Variants in KCNA2 observed in about 807,000 individuals in gnomAD.
The protein encoded by KCNA2 is potassium voltage-gated channel subfamily A member 2, also known as potassium channel, voltage gated shaker related subfamily A, member 2.
KCNA2 carries 11 observed loss-of-function variants against 33.4 expected under a neutral mutation model. That is an observed-to-expected ratio of 0.33 (90% CI 0.21 to 0.55). The LOEUF (loss-of-function observed/expected upper bound fraction) is 0.55, where lower values mean the gene tolerates loss of function less well. Ranked by LOEUF, KCNA2 falls within the 20% of genes least tolerant of loss-of-function variation. The pLI is 0.93. For synonymous variants in KCNA2, 222 were observed against 231.3 expected, an observed-to-expected ratio of 0.96 and a Z score of 0.37; for missense variants, 291 against 621.6, an observed-to-expected ratio of 0.47 and a Z score of 5.66.
chr1:110,596,204 G>A lies in KCNA2; in HGVS notation c.*7079C>T, dbSNP rs1325008754. The A allele has an allele frequency of 1.0e-6, 1 of 984,736 alleles. No homozygotes were observed. The highest frequency in any genetic ancestry group is 1.8e-5 in the African/African-American group (1 of 57,122). The allele number at this position is 984,736 out of a possible 1,614,324, so 61.0% of individuals were successfully genotyped here. A position where few individuals can be genotyped will look rare whatever the true frequency, so the allele number is the denominator to read the frequency against. ...GGAGAGGTGAAAAGAATGCAAAGGA[G>A]GTCATTCAAAAAATGCACATAAATG... On this transcript the variant is annotated 3_prime_UTR_variant, in exon 3 of 3. Coordinates refer to ENST00000316361, the MANE Select transcript of KCNA2 (RefSeq NM_004974.4).
Position 110,595,413 on chromosome 1 carries a change from T to G in KCNA2, c.*7870A>C, listed in dbSNP as rs1649053237. 4 of 985,374 alleles carry G rather than the reference T, an allele frequency of 4.1e-6. No individual in the cohort carries two copies. The allele number at this position is 985,374 out of a possible 1,614,324, so 61.0% of individuals were successfully genotyped here. ...GTCATGTCAAGTCTGGGTTATGGGC[T>G]TCTGCTGCCTGATCACAACTAACAT... On this transcript the variant is annotated 3_prime_UTR_variant, in exon 3 of 3. Coordinates refer to ENST00000316361, the MANE Select transcript of KCNA2 (RefSeq NM_004974.4).
In KCNA2 at chr1:110,595,449, G is replaced by C; in HGVS notation, c.*7834C>G. The stretch of plus-strand genomic sequence containing the variant: ...GATCACAACTAACATAGCCAGACTG[G>C]AGGGCTTCTGTGGGTGTGGGGAGAT... On this transcript the variant is annotated 3_prime_UTR_variant, in exon 3 of 3. Transcript: ENST00000316361. 1 of 985,444 alleles carries C rather than the reference G, an allele frequency of 1.0e-6. No homozygotes were observed. Among genetic ancestry groups the C allele is most frequent in the Non-Finnish European group, 1.2e-6 (1 of 829,964 alleles). The allele number at this position is 985,444 out of a possible 1,614,324, so 61.0% of individuals were successfully genotyped here.
chr1:110,614,338 T>C (rs1348559859), intron 1 of KCNA2, among the ~76,000 whole-genome samples: 1 of 152,216 alleles, frequency 6.6e-6, no homozygotes, highest in Non-Finnish European at 1.5e-5. Flanking sequence ...GGCCCAGTTA[T>C]CCCAGAAGTG....
At chr1:110,629,966 C>T (rs1399908398) in intron 1 of KCNA2, among the ~76,000 whole-genome samples, 1 of 148,960 alleles carries the variant, frequency 6.7e-6, no homozygotes, top group Non-Finnish European at 1.5e-5. Flanking sequence ...TTTTTTAAAT[C>T]AAATGGACTC....
Position 110,600,507 on chromosome 1 carries a change from G to A in KCNA2, c.*2776C>T. ...ACAATTATAACCATATATCTTCTGT[G>A]TTTGCTTTTATGTTAACCTGGTCTG... On this transcript the variant is annotated 3_prime_UTR_variant, in exon 3 of 3. Transcript: ENST00000316361. 1.0e-6 allele frequency: 1 copy of A among 984,838 alleles called. No homozygotes were observed. Among genetic ancestry groups the A allele is most frequent in the East Asian group, 1.1e-4 (1 of 8,786 alleles). The allele number at this position is 984,838 out of a possible 1,614,324, so 61.0% of individuals were successfully genotyped here. A position where few individuals can be genotyped will look rare whatever the true frequency, so the allele number is the denominator to read the frequency against.
Position 110,595,971 on chromosome 1 carries a change from C to T in KCNA2, c.*7312G>A. On this transcript the variant is annotated 3_prime_UTR_variant, in exon 3 of 3. Transcript: ENST00000316361. ...GAGTACAAAGTTTGGAATAACTTTT[C>T]TGATCCTCAGTGATGAGGTTATAGC... 1 of 985,442 alleles carries T rather than the reference C, an allele frequency of 1.0e-6. No individual in the cohort carries two copies. Among genetic ancestry groups the T allele is most frequent in the Non-Finnish European group, 1.2e-6 (1 of 829,930 alleles). 61.0% of individuals were successfully genotyped at this position (985,442 alleles called of 1,614,324 possible). A position where few individuals can be genotyped will look rare whatever the true frequency, so the allele number is the denominator to read the frequency against.
intron 1 of KCNA2, among the ~76,000 whole-genome samples, chr1:110,616,148 A>C (rs1029580980): frequency 6.6e-6 from 1 of 151,974 alleles, no homozygotes; most frequent in Non-Finnish European, 1.5e-5. Context: ...TCTTCTCTGA[A>C]CTCTGGCCAT....
intron 1 of KCNA2, among the ~76,000 whole-genome samples, chr1:110,611,418 A>C (rs939018605): frequency 1.3e-5 from 2 of 152,200 alleles, no homozygotes; most frequent in Admixed American, 6.5e-5. Flanking sequence ...ATCCCACCGC[A>C]ATACTGGCTA....
rs188887961 is a variant in KCNA2, at chr1:110,617,938, G to A, written c.-495-12216C>T. On this transcript the variant is annotated intron_variant, in intron 1 of 4. Coordinates refer to the KCNA2 transcript ENST00000369770. ...GGCAATGCTGGCCTGATGCTCAGGA[G>A]AGAGGTAGAGGGTAGGGAATGGAGA... Among the ~76,000 whole-genome samples the A allele has an allele frequency of 1.8e-4, 28 of 152,306 alleles. No individual in the cohort carries two copies. In the East Asian group the frequency reaches 4.8e-3, roughly 26 times the overall value.
intron 1 of KCNA2, among the ~76,000 whole-genome samples, chr1:110,628,247 T>G (rs1650452763): frequency 6.6e-6 from 1 of 152,056 alleles, no homozygotes; most frequent in African/African-American, 2.4e-5. Flanking sequence ...TGGGTATATC[T>G]TGACTGGGAG....
intron 1 of KCNA2, among the ~76,000 whole-genome samples, chr1:110,622,149 T>A (rs940904642): frequency 4.6e-5 from 7 of 152,086 alleles, no homozygotes; most frequent in Non-Finnish European, 8.8e-5. Flanking sequence ...GAATAATACA[T>A]CATGACCAAA....
chr1:110,624,662 C>G (rs185209055), intron 1 of KCNA2, among the ~76,000 whole-genome samples: 11 of 152,164 alleles, frequency 7.2e-5, no homozygotes, highest in African/African-American at 2.4e-4. Flanking sequence ...ACTACACATG[C>G]TGGGAAAAAT....
Position 110,597,226 on chromosome 1 carries a change from C to T in KCNA2, c.*6057G>A, listed in dbSNP as rs756714346. On this transcript the variant is annotated 3_prime_UTR_variant, in exon 3 of 3. Transcript: ENST00000316361. ...CTCCAGGCCACATTCCCTCAGCATC[C>T]GTCTCCCTGGGGAAGGGAGAAGGGG... 44 of 985,388 alleles carry T rather than the reference C, an allele frequency of 4.5e-5. No individual in the cohort carries two copies. Among genetic ancestry groups the T allele is most frequent in the Admixed American group, 2.5e-4 (4 of 16,286 alleles). 61.0% of individuals were successfully genotyped at this position (985,388 alleles called of 1,614,324 possible).
Position 110,602,311 on chromosome 1 carries a change from C to A in KCNA2, c.*972G>T. ...CCCCTAGTTCAAGACCATTCCAAGC[C>A]TATTAATACTCTAAATATTAACACT... On this transcript the variant is annotated 3_prime_UTR_variant, in exon 3 of 3. Coordinates refer to ENST00000316361, the MANE Select transcript of KCNA2 (RefSeq NM_004974.4). The A allele has an allele frequency of 6.9e-7, 1 of 1,449,650 alleles. No homozygotes were observed. Among genetic ancestry groups the A allele is most frequent in the Non-Finnish European group, 9.0e-7 (1 of 1,107,578 alleles). The allele number at this position is 1,449,650 out of a possible 1,614,324, so 89.8% of individuals were successfully genotyped here. A position where few individuals can be genotyped will look rare whatever the true frequency, so the allele number is the denominator to read the frequency against.
chr1:110,606,566 C>A, upstream of KCNA2: 1 of 152,632 alleles, frequency 6.6e-6, no homozygotes, highest in Non-Finnish European at 1.5e-5. Context: ...GAGGACCAGA[C>A]CCTCCCGCTG....
intron 1 of KCNA2, among the ~76,000 whole-genome samples, chr1:110,630,542 G>A (rs1412173087): frequency 1.3e-5 from 2 of 152,108 alleles, no homozygotes; most frequent in African/African-American, 4.8e-5. Flanking sequence ...CATGGTTTCA[G>A]TTCTTTCTCC....
At chr1:110,620,692 A>G (rs2101457828) in intron 1 of KCNA2, among the ~76,000 whole-genome samples, 1 of 152,148 alleles carries the variant, frequency 6.6e-6, no homozygotes, top group South Asian at 2.1e-4. Context: ...TGAAGTGGGT[A>G]AAGTCGGTCA....
At chr1:110,608,609 T>C (rs1184107481), upstream of KCNA2, among the ~76,000 whole-genome samples, 1 of 152,102 alleles carries the variant, frequency 6.6e-6, no homozygotes, top group African/African-American at 2.4e-5. Context: ...CAGGGGGTGG[T>C]CTGGGAGGGC....
At chr1:110,617,484 C>T (rs1042342047) in intron 1 of KCNA2, among the ~76,000 whole-genome samples, 18 of 152,128 alleles carry the variant, frequency 1.2e-4, no homozygotes, top group Admixed American at 1.2e-3. Flanking sequence ...AGACAGGATC[C>T]AATCTATGTT....
Sources: gnomAD v4.1 joint callset for allele counts (sites outside exome capture counted in the v4.1 genomes callset) on GRCh38, gnomAD v4.1.1 for gene constraint, MANE v1.5 for transcripts, NCBI Gene and HGNC (gene_info 2026-07-23, HGNC 2026-07-21) for gene names.